The following MACROD2 variants were observed in gnomAD, a reference collection of about 807,000 sequenced individuals.
MACROD2 encodes the protein mono-ADP ribosylhydrolase 2.
Under a neutral mutation model 70.4 loss-of-function variants are expected in MACROD2, and 36 were observed. That is an observed-to-expected ratio of 0.51 (90% CI 0.39 to 0.68). The LOEUF is 0.68. Among genes scored for constraint, MACROD2 ranks in the 30% least tolerant of loss-of-function variants. MACROD2 has a pLI of 0.00. For missense variants in MACROD2, 496 were observed against 538.4 expected (o/e 0.92, Z 0.78); for synonymous variants, 172 against 178.8 (o/e 0.96, Z 0.30).
intron 3 of MACROD2, among the ~76,000 whole-genome samples, chr20:14,122,603 A>G (rs751275465): frequency 6.6e-6 from 1 of 152,158 alleles, no homozygotes; most frequent in Non-Finnish European, 1.5e-5. Flanking sequence ...TTTCCCCATG[A>G]TAAGATCAAT....
chr20:15,056,030 G>A (rs983634471), intron 5 of MACROD2, among the ~76,000 whole-genome samples: 17 of 151,906 alleles, frequency 1.1e-4, no homozygotes, highest in African/African-American at 2.9e-4. Flanking sequence ...CAAGTGATCC[G>A]CCTGCCTCGG....
chr20:14,057,899 T>C (rs1201025334), intron 2 of MACROD2, among the ~76,000 whole-genome samples: 1 of 152,176 alleles, frequency 6.6e-6, no homozygotes, highest in Non-Finnish European at 1.5e-5. Flanking sequence ...CATGAACCGA[T>C]GTTGATCAAA....
At chr20:15,342,752 A>G (rs898522343) in intron 6 of MACROD2, among the ~76,000 whole-genome samples, 3 of 152,158 alleles carry the variant, frequency 2.0e-5, no homozygotes, top group Non-Finnish European at 4.4e-5. Context: ...GAAAAGAGTG[A>G]AAGTGGGGAG....
chr20:15,673,347 A>T (rs985258307), intron 8 of MACROD2, among the ~76,000 whole-genome samples: 1 of 152,292 alleles, frequency 6.6e-6, no homozygotes, highest in South Asian at 2.1e-4. Flanking sequence ...AATACTTGCC[A>T]ATTATTTTTA....
At chr20:14,014,821 T>C (rs1390818838) in intron 2 of MACROD2, among the ~76,000 whole-genome samples, 1 of 152,080 alleles carries the variant, frequency 6.6e-6, no homozygotes, top group Non-Finnish European at 1.5e-5. Context: ...TTTGTTTTTT[T>C]AGATAGGGTC....
At chr20:15,180,163 C>G (rs1395981475) in intron 5 of MACROD2, among the ~76,000 whole-genome samples, 3 of 152,212 alleles carry the variant, frequency 2.0e-5, no homozygotes, top group African/African-American at 7.2e-5. Flanking sequence ...GGCCCTATCT[C>G]CATATACATT....
chr20:14,263,640 A>G (rs2082118698), intron 3 of MACROD2, among the ~76,000 whole-genome samples: 1 of 152,118 alleles, frequency 6.6e-6, no homozygotes, highest in South Asian at 2.1e-4. Context: ...ATAGGGTTGG[A>G]AGTGTGTGAG....
chr20:14,708,728 C>T (rs1449709881), intron 5 of MACROD2, among the ~76,000 whole-genome samples: 1 of 152,178 alleles, frequency 6.6e-6, no homozygotes, highest in Non-Finnish European at 1.5e-5. Flanking sequence ...AGCGATTCTC[C>T]TGCCTCAGCC....
At chr20:14,000,541 A>G (rs2052720080) in intron 1 of MACROD2, among the ~76,000 whole-genome samples, 2 of 152,222 alleles carry the variant, frequency 1.3e-5, no homozygotes, top group African/African-American at 4.8e-5. Flanking sequence ...CTTGTGATAC[A>G]CTGAAAGAGA....
chr20:14,765,266 A>C (rs1214989831), intron 5 of MACROD2, among the ~76,000 whole-genome samples: 3 of 151,610 alleles, frequency 2.0e-5, no homozygotes, highest in African/African-American at 7.3e-5. Context: ...ACCCATCCTT[A>C]CTCTCTCTGA....
At chr20:15,367,814 A>G (rs921267986) in intron 6 of MACROD2, among the ~76,000 whole-genome samples, 1 of 152,180 alleles carries the variant, frequency 6.6e-6, no homozygotes, top group Non-Finnish European at 1.5e-5. Context: ...CATTAAAAAT[A>G]CCACATGTAT....
chr20:14,577,556 G>T (rs900216334), intron 4 of MACROD2, among the ~76,000 whole-genome samples: 2 of 152,046 alleles, frequency 1.3e-5, no homozygotes, highest in East Asian at 3.9e-4. Context: ...AGGTGGGAGC[G>T]ATTGTTTGAG....
intron 10 of MACROD2, among the ~76,000 whole-genome samples, chr20:15,923,299 G>A (rs2065439944): frequency 2.0e-5 from 3 of 152,134 alleles, no homozygotes; most frequent in South Asian, 2.1e-4. Context: ...CCATGGCGGT[G>A]GCAAGAGAAA....
At chr20:15,825,924 C>G (rs2063992934) in intron 8 of MACROD2, among the ~76,000 whole-genome samples, 1 of 152,110 alleles carries the variant, frequency 6.6e-6, no homozygotes, top group Non-Finnish European at 1.5e-5. Context: ...CTTCATTTAT[C>G]TATAAAATTC....
chr20:15,074,686 G>T (rs935012654), intron 5 of MACROD2, among the ~76,000 whole-genome samples: 1 of 152,160 alleles, frequency 6.6e-6, no homozygotes, highest in Non-Finnish European at 1.5e-5. Context: ...GGTATCCACT[G>T]CAGAATTGAT....
At chr20:15,256,001 T>C (rs999711463) in intron 6 of MACROD2, among the ~76,000 whole-genome samples, 14 of 152,056 alleles carry the variant, frequency 9.2e-5, no homozygotes, top group Non-Finnish European at 1.6e-4. Context: ...CAGAGACTCC[T>C]TTTTTTCACT....
At chr20:14,655,319 CTGTGTGTGTGTGTGTGTG>C (rs11470954) in intron 4 of MACROD2, among the ~76,000 whole-genome samples, 5 of 141,610 alleles carry the variant, frequency 3.5e-5, no homozygotes, top group African/African-American at 8.0e-5. Flanking sequence ...AAAGTGGACA[CTGTGTGTGTGTGTGTGTG>C]TGTGTGTGTG....
intron 2 of MACROD2, among the ~76,000 whole-genome samples, chr20:14,059,572 A>G (rs1309560377): frequency 3.3e-5 from 5 of 152,286 alleles, no homozygotes; most frequent in East Asian, 3.9e-4. Flanking sequence ...AAGCAGCAAT[A>G]TATAAGCTGA....
chr20:14,389,520 A>G (rs531073775), intron 3 of MACROD2, among the ~76,000 whole-genome samples: 1 of 151,704 alleles, frequency 6.6e-6, no homozygotes, highest in Non-Finnish European at 1.5e-5. Flanking sequence ...CGTGCAAATT[A>G]TGGGAGAGAT....
Sources: allele counts gnomAD v4.1 joint callset (sites outside exome capture counted in the v4.1 genomes callset), GRCh38; gene constraint gnomAD v4.1.1; transcripts MANE v1.5; gene names NCBI Gene and HGNC (gene_info 2026-07-23, HGNC 2026-07-21).